The following SMC5 variants were observed in gnomAD, a reference collection of about 807,000 sequenced individuals.
The protein encoded by SMC5 is structural maintenance of chromosomes protein 5.
A neutral mutation model predicts 148.3 loss-of-function variants in SMC5; 88 were observed. The observed-to-expected ratio is 0.59, with a 90% CI of 0.50 to 0.71. The LOEUF (loss-of-function observed/expected upper bound fraction) is 0.71. Ranked by LOEUF, SMC5 falls within the 30% of genes least tolerant of loss-of-function variation. The pLI, the probability that SMC5 is intolerant of heterozygous loss-of-function variation, is 0.00. For missense variants in SMC5, 1,142 were observed against 1,298.9 expected, an observed-to-expected ratio of 0.88 and a Z score of 1.86; for synonymous variants, 421 against 432.8, an observed-to-expected ratio of 0.97 and a Z score of 0.34.
intron 7 of SMC5, among the ~76,000 whole-genome samples, chr9:70,283,751 A>G (rs933878392): frequency 2.0e-5 from 3 of 152,158 alleles, no homozygotes; most frequent in Non-Finnish European, 2.9e-5. Flanking sequence ...GATTTCTGCT[A>G]TTGAAAGATC....
chr9:70,342,625 C>G (rs12346675), intron 17 of SMC5, among the ~76,000 whole-genome samples: 17,449 of 152,102 alleles, frequency 0.11, 1,081 homozygotes, highest in African/African-American at 0.15. Context: ...TGAGCCACAT[C>G]TACAAATAGA....
chr9:70,331,392 C>A (rs1371062964), intron 17 of SMC5, among the ~76,000 whole-genome samples: 1 of 151,160 alleles, frequency 6.6e-6, no homozygotes, highest in Non-Finnish European at 1.5e-5. Context: ...TTAAACAAAT[C>A]AACTACTTTT....
chr9:70,304,558 A>T lies in SMC5; in HGVS notation c.1465-689A>T, dbSNP rs527487205. The stretch of plus-strand genomic sequence containing the variant: ...AAAAATTAGCTGGGCATGGTGACAG[A>T]TGCCTGTAGTCCCAGCTACTCAGGA... On this transcript the variant is annotated intron_variant, in intron 10 of 24. Coordinates refer to ENST00000361138, the MANE Select transcript of SMC5 (RefSeq NM_015110.4). Among the ~76,000 whole-genome samples the T allele has an allele frequency of 5.3e-5, 8 of 152,198 alleles. No individual in the cohort carries two copies. The East Asian group carries it at 1.5e-3, about 29-fold the overall frequency.
chr9:70,332,016 A>C (rs1348398210), intron 17 of SMC5, among the ~76,000 whole-genome samples: 1 of 152,206 alleles, frequency 6.6e-6, no homozygotes, highest in Non-Finnish European at 1.5e-5. Flanking sequence ...TATTAAGAGA[A>C]TATGATTAAA....
At position 70,309,982 on chromosome 9, in the gene SMC5, G is replaced by C. The variant is rs187637351; in HGVS notation, c.1578+4622G>C. Reference sequence around the variant, plus strand: ...CTGCCTCAGCCTCCTGAGTAGCTGGGATTACAGGTATGCGCCACCATGCCC... The same window carrying C: ...CTGCCTCAGCCTCCTGAGTAGCTGGCATTACAGGTATGCGCCACCATGCCC... On this transcript the variant is annotated intron_variant, in intron 11 of 24. Coordinates refer to ENST00000361138, the MANE Select transcript of SMC5 (RefSeq NM_015110.4). Among the ~76,000 whole-genome samples the C allele has an allele frequency of 2.0e-3, 309 of 152,240 alleles. 1 individual carries two copies. Among genetic ancestry groups the C allele is most frequent in the Middle Eastern group, 6.8e-3 (2 of 294 alleles).
intron 9 of SMC5, among the ~76,000 whole-genome samples, chr9:70,299,586 A>C (rs2309648): frequency 0.99 from 150,140 of 152,096 alleles, 74,129 homozygotes; most frequent in East Asian, 1. Context: ...TTTCAGGTAA[A>C]CTTCTAAGAA....
chr9:70,347,702 G>C lies in SMC5; in HGVS notation c.2754G>C (p.Arg918Ser). 4 of 1,556,840 alleles carry C rather than the reference G, an allele frequency of 2.6e-6. No homozygotes were observed. Among genetic ancestry groups the C allele is most frequent in the Non-Finnish European group, 3.5e-6 (4 of 1,153,436 alleles). The change falls in exon 21 of 25, where the codon AGG (arginine) becomes AGC (serine). Residue 918 changes from arginine to serine, a missense_variant. Coordinates refer to ENST00000361138, the MANE Select transcript of SMC5 (RefSeq NM_015110.4). ...AGAAAGTTGAACTAGATCAATACAG[G>C]GAAAACATTTCACAGGTAATTTTTT... ...KGKKVELDQY[R>S]ENISQVKERW...
Position 70,298,057 on chromosome 9 carries a change from A to T in SMC5, c.1145A>T (p.Asp382Val). 6.2e-7 allele frequency: 1 copy of T among 1,614,026 alleles called. No homozygotes were observed. Among genetic ancestry groups the T allele is most frequent in the Non-Finnish European group, 8.5e-7 (1 of 1,179,942 alleles). Residue 382 changes from aspartate to valine, a missense_variant, in exon 9 of 25, where the codon GAT becomes GTT. By Grantham distance (152) the Asp-to-Val change is radical. Transcript: ENST00000361138. Reference protein sequence around the residue: ...RIGNTRKMIEDLQNELKTTEN... With the variant: ...RIGNTRKMIEVLQNELKTTEN... ...GGTAATACCCGCAAAATGATAGAGG[A>T]TTTGCAAAATGAACTAAAGACCACG...
intron 11 of SMC5, 148 bp downstream of exon 11, chr9:70,305,508 C>A: frequency 1.9e-6 from 1 of 540,224 alleles, no homozygotes; most frequent in Non-Finnish European, 3.3e-6. Context: ...AATTTCTTTC[C>A]TATTTATGGC....
chr9:70,274,521 G>A (rs1055137264), intron 3 of SMC5, among the ~76,000 whole-genome samples: 15 of 147,360 alleles, frequency 1.0e-4, no homozygotes, highest in Non-Finnish European at 6.0e-5. Context: ...TTCATTTCAT[G>A]TTTTTAATAT....
In SMC5 at chr9:70,292,691, A is replaced by G. The variant is rs536919327; in HGVS notation, c.1054-5275A>G. 5.9e-5 allele frequency among the ~76,000 whole-genome samples: 9 copies of G among 152,244 alleles called. No homozygotes were observed. In the East Asian group the frequency reaches 1.5e-3, roughly 26 times the overall value. ...TCAGGAAATTCTTATATGTATTCCT[A>G]TGTTTCTAGGAATTTTTATGTTGAG... On this transcript the variant is annotated intron_variant, in intron 8 of 24. Transcript: ENST00000361138.
At chr9:70,307,950 T>C (rs1011334721) in intron 11 of SMC5, among the ~76,000 whole-genome samples, 4 of 152,206 alleles carry the variant, frequency 2.6e-5, no homozygotes, top group Non-Finnish European at 4.4e-5. Context: ...CAGGCACATC[T>C]TGAGTGTATC....
chr9:70,285,415 C>A (rs2034867973), intron 7 of SMC5, among the ~76,000 whole-genome samples: 1 of 152,140 alleles, frequency 6.6e-6, no homozygotes, highest in African/African-American at 2.4e-5. Flanking sequence ...GACTCAGCAC[C>A]CAAGGTTTTT....
rs1416288333 is a variant in SMC5, at chr9:70,319,711, T to A, written c.2150+748T>A. ...ACTTGTGTACTCTGTTACATTAAAA[T>A]CCATTGCACTTTAGATGGCGCTTTT... On this transcript the variant is annotated intron_variant, in intron 15 of 24. Transcript: ENST00000361138. 2.0e-5 allele frequency among the ~76,000 whole-genome samples: 3 copies of A among 152,206 alleles called. No individual in the cohort carries two copies. In the South Asian group the frequency reaches 6.2e-4, roughly 31 times the overall value.
At chr9:70,279,125 G>T (rs192572453) in intron 5 of SMC5, among the ~76,000 whole-genome samples, 1 of 152,132 alleles carries the variant, frequency 6.6e-6, no homozygotes, top group African/African-American at 2.4e-5. Flanking sequence ...ACATAAAAAT[G>T]TACTTTTATA....
chr9:70,354,199 A>T lies in SMC5; in HGVS notation c.*1868A>T, dbSNP rs2036859784. 1 of 152,414 alleles carries T rather than the reference A, an allele frequency of 6.6e-6. No homozygotes were observed. The highest frequency in any genetic ancestry group is 1.9e-4 in the East Asian group (1 of 5,202). The allele number at this position is 152,414 out of a possible 1,614,324, so 9.4% of individuals were successfully genotyped here. A position where few individuals can be genotyped will look rare whatever the true frequency, so the allele number is the denominator to read the frequency against. On this transcript the variant is annotated 3_prime_UTR_variant, in exon 25 of 25. Transcript: ENST00000361138. Reference sequence around the variant, plus strand: ...GTAAGTCTAGCACATAGTCTCAGCCACTTAAAACAAAAGTTTTTTTGTTTG... The same window carrying T: ...GTAAGTCTAGCACATAGTCTCAGCCTCTTAAAACAAAAGTTTTTTTGTTTG...
In SMC5 at chr9:70,352,795, T is replaced by G. The variant is rs1257206615; in HGVS notation, c.*464T>G. ...TGATATGAAAATGTCTAATGTATAG[T>G]AATAATTTATGACAGATCTAGTCAT... On this transcript the variant is annotated 3_prime_UTR_variant, in exon 25 of 25. Transcript: ENST00000361138. The G allele has an allele frequency of 6.6e-6, 1 of 152,490 alleles. No homozygotes were observed. The highest frequency in any genetic ancestry group is 2.4e-5 in the African/African-American group (1 of 41,454). 9.4% of individuals were successfully genotyped at this position (152,490 alleles called of 1,614,324 possible).
At chr9:70,343,856 T>A (rs1282099219) in intron 17 of SMC5, among the ~76,000 whole-genome samples, 1 of 151,850 alleles carries the variant, frequency 6.6e-6, no homozygotes, top group Non-Finnish European at 1.5e-5. Context: ...TAAATAAATA[T>A]AATTACATGG....
intron 1 of SMC5, among the ~76,000 whole-genome samples, chr9:70,262,088 G>T (rs559436788): frequency 6.6e-6 from 1 of 152,266 alleles, no homozygotes; most frequent in Admixed American, 6.5e-5. Context: ...GGTAGAGAAA[G>T]ATGCGCTTAG....
Sources: gnomAD v4.1 joint callset for allele counts (sites outside exome capture counted in the v4.1 genomes callset) on GRCh38, gnomAD v4.1.1 for gene constraint, MANE v1.5 for transcripts, NCBI Gene and HGNC (gene_info 2026-07-23, HGNC 2026-07-21) for gene names.